The following SLC25A48 variants were observed in gnomAD, a reference collection of about 807,000 sequenced individuals.
SLC25A48 encodes CTC-321K16.1.
Under a neutral mutation model 32.2 loss-of-function variants are expected in SLC25A48, and 29 were observed. The observed-to-expected ratio is 0.90, with a 90% CI of 0.67 to 1.23. SLC25A48 has a LOEUF of 1.23. SLC25A48 is among the 50% of genes most tolerant of loss of function. SLC25A48 has a pLI of 0.00. For synonymous variants in SLC25A48, 164 were observed against 172.3 expected (o/e 0.95, Z 0.38); for missense variants, 399 against 422.7 (o/e 0.94, Z 0.49).
intron 1 of SLC25A48, among the ~76,000 whole-genome samples, chr5:135,610,453 A>G (rs1354339519): frequency 2.0e-5 from 3 of 152,236 alleles, no homozygotes; most frequent in South Asian, 4.1e-4. Flanking sequence ...TGGAACATAT[A>G]TAACAAATAT....
intron 4 of SLC25A48, among the ~76,000 whole-genome samples, chr5:135,856,437 C>T (rs1760325855): frequency 6.6e-6 from 1 of 152,196 alleles, no homozygotes; most frequent in South Asian, 2.1e-4. Context: ...CAGCAGCTCA[C>T]TCAGGAGCAT....
chr5:135,846,160 C>T (rs528375494), intron 2 of SLC25A48, among the ~76,000 whole-genome samples: 10 of 152,250 alleles, frequency 6.6e-5, no homozygotes, highest in South Asian at 6.2e-4. Flanking sequence ...CTAGGTTGCC[C>T]GCTCTTTATG....
chr5:135,759,388 A>G (rs1756005875), intron 3 of SLC25A48, among the ~76,000 whole-genome samples: 1 of 152,130 alleles, frequency 6.6e-6, no homozygotes, highest in African/African-American at 2.4e-5. Context: ...ACCATTCTCT[A>G]TGGCTGAGCA....
intron 3 of SLC25A48, among the ~76,000 whole-genome samples, chr5:135,652,040 C>T (rs190542614): frequency 6.6e-6 from 1 of 152,370 alleles, no homozygotes; most frequent in Admixed American, 6.5e-5. Flanking sequence ...CAGAAGCTGT[C>T]AGCCTCTTCC....
intron 4 of SLC25A48, among the ~76,000 whole-genome samples, chr5:135,867,592 G>A (rs1229332016): frequency 2.0e-5 from 3 of 152,104 alleles, no homozygotes; most frequent in African/African-American, 7.2e-5. Flanking sequence ...TCCAGAAGAA[G>A]GCTCTTCTGT....
chr5:135,885,852 A>G (rs1762693818), intron 7 of SLC25A48, among the ~76,000 whole-genome samples: 1 of 152,238 alleles, frequency 6.6e-6, no homozygotes, highest in Admixed American at 6.5e-5. Flanking sequence ...TAGATCTCAC[A>G]TATATTGTCA....
chr5:135,886,636 T>TATATATATAAAAAA (rs1554088462), intron 7 of SLC25A48, among the ~76,000 whole-genome samples: 1 of 30,140 alleles, frequency 3.3e-5, no homozygotes, highest in Non-Finnish European at 5.8e-5. Flanking sequence ...TATATATATA[T>TATATATATAAAAAA]AAAATATATA....
chr5:135,668,207 C>A (rs902225162), intron 3 of SLC25A48, among the ~76,000 whole-genome samples: 1 of 152,142 alleles, frequency 6.6e-6, no homozygotes. Context: ...TAACAAGCGG[C>A]CAGAGATTTC....
intron 3 of SLC25A48, among the ~76,000 whole-genome samples, chr5:135,789,908 C>A (rs1422473367): frequency 6.6e-6 from 1 of 151,890 alleles, no homozygotes; most frequent in Non-Finnish European, 1.5e-5. Context: ...AGTAAGATCT[C>A]CCTACAATAT....
At chr5:135,579,258 C>G (rs1580696576) in exon 1 of SLC25A48, 1 of 186,840 alleles carries the variant, frequency 5.4e-6, no homozygotes, top group East Asian at 1.3e-4. Flanking sequence ...CTTGCACACC[C>G]ATACCACAGC....
intron 3 of SLC25A48, among the ~76,000 whole-genome samples, chr5:135,691,787 G>T (rs942155390): frequency 1.3e-5 from 2 of 152,178 alleles, no homozygotes; most frequent in Admixed American, 6.5e-5. Flanking sequence ...TCCACCTGGG[G>T]TTGTGTAAGG....
chr5:135,804,796 A>T (rs1757425767), intron 3 of SLC25A48, among the ~76,000 whole-genome samples: 1 of 151,688 alleles, frequency 6.6e-6, no homozygotes, highest in South Asian at 2.1e-4. Context: ...TATTTTAGAG[A>T]TATATTACTT....
intron 3 of SLC25A48, among the ~76,000 whole-genome samples, chr5:135,743,788 A>G (rs1755566818): frequency 6.6e-6 from 1 of 152,228 alleles, no homozygotes; most frequent in Non-Finnish European, 1.5e-5. Context: ...TCGTGGGATG[A>G]CTGCCCTCAC....
chr5:135,667,153 T>G (rs1393710774), intron 3 of SLC25A48, among the ~76,000 whole-genome samples: 3 of 152,220 alleles, frequency 2.0e-5, no homozygotes, highest in African/African-American at 7.2e-5. Flanking sequence ...TTTCCATCTC[T>G]GAGCCTGTGC....
rs373636249 is a variant in SLC25A48 at position 135,620,913 on chromosome 5, C to T, written c.-848-8324C>T. ...ACTGCTGGAGATCTCTCTCTTACCC[C>T]TTCCCCGCGTTAGGGAGCCTCTCCA... On this transcript the variant is annotated intron_variant, in intron 1 of 10. Transcript: ENST00000646290. Among the ~76,000 whole-genome samples, 27 of 152,272 alleles carry T rather than the reference C, an allele frequency of 1.8e-4. 1 individual carries two copies. The highest frequency in any genetic ancestry group is 6.3e-4 in the African/African-American group (26 of 41,558).
intron 3 of SLC25A48, among the ~76,000 whole-genome samples, chr5:135,795,026 G>T (rs1460452036): frequency 6.6e-6 from 1 of 151,772 alleles, no homozygotes; most frequent in Non-Finnish European, 1.5e-5. Flanking sequence ...TTTCCCAGGG[G>T]TTATACACCC....
chr5:135,764,180 TG>T (rs1756141528), intron 3 of SLC25A48, among the ~76,000 whole-genome samples: 1 of 151,564 alleles, frequency 6.6e-6, no homozygotes, highest in Non-Finnish European at 1.5e-5. Flanking sequence ...TGGCAGGGGG[TG>T]TACATCCCCC....
At chr5:135,603,155 C>T (rs1319885552) in intron 1 of SLC25A48, among the ~76,000 whole-genome samples, 1 of 152,222 alleles carries the variant, frequency 6.6e-6, no homozygotes, top group Non-Finnish European at 1.5e-5. Context: ...AGGCCCATAT[C>T]CTGGCTTGAG....
At chr5:135,843,663 G>A (rs1050706278) in intron 2 of SLC25A48, among the ~76,000 whole-genome samples, 9 of 152,202 alleles carry the variant, frequency 5.9e-5, no homozygotes, top group African/African-American at 2.2e-4. Context: ...ATGACACAAA[G>A]AGCCAGATAC....
Sources: gnomAD v4.1 joint callset for allele counts (sites outside exome capture counted in the v4.1 genomes callset) on GRCh38, gnomAD v4.1.1 for gene constraint, MANE v1.5 for transcripts, NCBI Gene and HGNC (gene_info 2026-07-23, HGNC 2026-07-21) for gene names.